ADGB: variants seen among roughly 807,000 people sequenced by gnomAD.
The protein encoded by ADGB is androglobin.
Under a neutral mutation model 210.5 loss-of-function variants are expected in ADGB, and 172 were observed. The observed-to-expected ratio is 0.82, with a 90% CI of 0.72 to 0.93. The LOEUF is 0.93. ADGB is among the 40% of genes least tolerant of loss of function. ADGB has a pLI of 0.00. For missense variants in ADGB, 2,025 were observed against 1,964.8 expected (o/e 1.03, Z -0.58); for synonymous variants, 658 against 662.7 (o/e 0.99, Z 0.11).
chr6:146,715,257 A>G, intron 13 of ADGB, 125 bp from the exon 14 acceptor site: 1 of 855,430 alleles, frequency 1.2e-6, no homozygotes. Context: ...AGGTTTTAGT[A>G]AATTTTCCCA....
At chr6:146,724,370 A>G (rs1670419756) in intron 18 of ADGB, 43 bp downstream of exon 18, 2 of 1,481,462 alleles carry the variant, frequency 1.4e-6, no homozygotes, top group South Asian at 2.8e-5. Context: ...AATTGTTTGA[A>G]GGCTTGCAAA....
intron 27 of ADGB, among the ~76,000 whole-genome samples, chr6:146,755,317 C>G (rs1186270891): frequency 6.6e-6 from 1 of 151,970 alleles, no homozygotes; most frequent in Non-Finnish European, 1.5e-5. Context: ...TGTGCCCCAC[C>G]CAAATCTCAT....
chr6:146,627,188 C>T (rs1185055287), intron 1 of ADGB, among the ~76,000 whole-genome samples: 2 of 139,260 alleles, frequency 1.4e-5, no homozygotes, highest in African/African-American at 2.8e-5. Context: ...TTGCACCAAC[C>T]GAATATAATA....
chr6:146,790,767 C>A (rs1008977218), intron 33 of ADGB, among the ~76,000 whole-genome samples: 3 of 152,200 alleles, frequency 2.0e-5, no homozygotes, highest in African/African-American at 7.2e-5. Flanking sequence ...AACCTCCATA[C>A]TGGTGTTTCA....
chr6:146,650,719 C>T lies in ADGB; in HGVS notation c.331-3416C>T, dbSNP rs529285580. Reference sequence around the variant, plus strand: ...TGCTGAATTCTGACAATCCGATGGACCTGGTCTTGGCTGGTGCAATTGAGA... The same window carrying T: ...TGCTGAATTCTGACAATCCGATGGATCTGGTCTTGGCTGGTGCAATTGAGA... On this transcript the variant is annotated intron_variant, in intron 3 of 35. Transcript: ENST00000397944. 6.0e-5 allele frequency among the ~76,000 whole-genome samples: 9 copies of T among 151,062 alleles called. 1 individual carries two copies. In the South Asian group the frequency reaches 1.9e-3, roughly 32 times the overall value.
intron 2 of ADGB, among the ~76,000 whole-genome samples, chr6:146,641,908 T>A (rs1299966842): frequency 6.6e-6 from 1 of 151,956 alleles, no homozygotes; most frequent in Non-Finnish European, 1.5e-5. Context: ...GACAAGTGGA[T>A]CTAATTAAAC....
At chr6:146,811,122 T>C (rs1399403570) in intron 35 of ADGB, among the ~76,000 whole-genome samples, 1 of 152,222 alleles carries the variant, frequency 6.6e-6, no homozygotes. Flanking sequence ...TGCCTACTCT[T>C]AGCTTCACAA....
chr6:146,785,823 T>C (rs1777864778), intron 32 of ADGB, 111 bp downstream of exon 32: 1 of 794,278 alleles, frequency 1.3e-6, no homozygotes, highest in East Asian at 2.7e-5. Flanking sequence ...TTTCAGAATC[T>C]CGTTTCTTGA....
chr6:146,655,732 C>T (rs1410883486), intron 4 of ADGB, among the ~76,000 whole-genome samples: 5 of 152,018 alleles, frequency 3.3e-5, no homozygotes, highest in East Asian at 1.9e-4. Context: ...CTTAGACTTT[C>T]GCTTTTCATT....
chr6:146,628,527 C>A (rs1042934920), intron 1 of ADGB, among the ~76,000 whole-genome samples: 1 of 151,974 alleles, frequency 6.6e-6, no homozygotes, highest in Non-Finnish European at 1.5e-5. Flanking sequence ...CAGTCAGGAA[C>A]TTCCTGCCTA....
chr6:146,607,090 A>G (rs922388819), intron 1 of ADGB, among the ~76,000 whole-genome samples: 2 of 152,006 alleles, frequency 1.3e-5, no homozygotes, highest in African/African-American at 4.8e-5. Flanking sequence ...ATGTTTTGTA[A>G]TCCTTGATGT....
At chr6:146,715,453 C>T in intron 14 of ADGB, 38 bp downstream of exon 14, 1 of 1,404,532 alleles carries the variant, frequency 7.1e-7, no homozygotes, top group East Asian at 2.7e-5. Context: ...TTTCAATGTA[C>T]ATCAAGATAC....
chr6:146,624,545 G>T (rs1780945216), intron 1 of ADGB, among the ~76,000 whole-genome samples: 1 of 151,704 alleles, frequency 6.6e-6, no homozygotes, highest in African/African-American at 2.4e-5. Context: ...CAAATAACTG[G>T]ATTTTTGGTT....
chr6:146,657,991 A>G (rs917733666), intron 5 of ADGB, among the ~76,000 whole-genome samples: 4 of 152,212 alleles, frequency 2.6e-5, no homozygotes. Flanking sequence ...CTGGAAAAGA[A>G]TGTCCTCCTT....
Position 146,784,875 on chromosome 6 carries a change from A to G in ADGB, c.4212+81A>G, listed in dbSNP as rs189214696. 244 of 1,384,072 alleles carry G rather than the reference A, an allele frequency of 1.8e-4. No individual in the cohort carries two copies. In the African/African-American group the frequency reaches 2.7e-3, roughly 15 times the overall value. The allele number at this position is 1,384,072 out of a possible 1,614,324, so 85.7% of individuals were successfully genotyped here. ...GAAAAAAATAGTCATGCTGGTAAAA[A>G]CCATATAGCCTGTCCTTTAGTAATG... On this transcript the variant is annotated intron_variant, in intron 31 of 35. Coordinates refer to ENST00000397944, the MANE Select transcript of ADGB (RefSeq NM_024694.4).
chr6:146,796,639 G>T (rs551977736), intron 33 of ADGB, among the ~76,000 whole-genome samples: 10 of 152,252 alleles, frequency 6.6e-5, no homozygotes, highest in African/African-American at 2.2e-4. Flanking sequence ...AACAAATGGT[G>T]CTGGGATAAT....
At chr6:146,732,677 A>G (rs1443350133) in intron 20 of ADGB, among the ~76,000 whole-genome samples, 1 of 152,200 alleles carries the variant, frequency 6.6e-6, no homozygotes, top group Non-Finnish European at 1.5e-5. Context: ...TTTTTTCAAT[A>G]TGAGGTTAGT....
chr6:146,733,382 C>A, intron 21 of ADGB, 127 bp downstream of exon 21: 2 of 951,776 alleles, frequency 2.1e-6, no homozygotes, highest in Non-Finnish European at 2.9e-6. Context: ...TCAAGCAGTG[C>A]TCTAAGAGCT....
chr6:146,725,422 T>C (rs1047584385), intron 18 of ADGB: 35 of 152,276 alleles, frequency 2.3e-4, no homozygotes, highest in African/African-American at 2.2e-4. Context: ...TAGAGTCTCA[T>C]AGGAGCGGGA....
Sources: gnomAD v4.1 joint callset for allele counts (sites outside exome capture counted in the v4.1 genomes callset) on GRCh38, gnomAD v4.1.1 for gene constraint, MANE v1.5 for transcripts, NCBI Gene and HGNC (gene_info 2026-07-23, HGNC 2026-07-21) for gene names.